Variants in FXR1 observed in about 807,000 individuals in gnomAD.
FXR1 encodes the protein FMR1 autosomal homolog 1.
Under a neutral mutation model 84.0 loss-of-function variants are expected in FXR1, and 15 were observed. The observed-to-expected ratio is 0.18, with a 90% CI of 0.12 to 0.27. The LOEUF is 0.27. Among genes scored for constraint, FXR1 ranks in the 10% least tolerant of loss-of-function variants. FXR1 has a pLI of 1.00. For missense variants in FXR1, 480 were observed against 774.4 expected, an observed-to-expected ratio of 0.62 and a Z score of 4.51; for synonymous variants, 245 against 250.7, an observed-to-expected ratio of 0.98 and a Z score of 0.21.
chr3:180,913,004 G>A (rs1404650248), intron 1 of FXR1, among the ~76,000 whole-genome samples: 1 of 152,162 alleles, frequency 6.6e-6, no homozygotes, highest in Admixed American at 6.5e-5. Context: ...GTTCTTGGCG[G>A]GCCGGTGGGA....
rs10600370 is a variant in FXR1, at chr3:180,964,673, T to TTATA, written c.1198+1608_1198+1611dup. Among the ~76,000 whole-genome samples the TTATA allele has an allele frequency of 5.3e-3, 717 of 136,320 alleles. 11 individuals carry two copies. The highest frequency in any genetic ancestry group is 0.021 in the East Asian group (101 of 4,780). The allele number at this position is 136,320 out of a possible 152,430, so 89.4% of individuals were successfully genotyped here. On this transcript the variant is annotated intron_variant, in intron 13 of 16. Coordinates refer to ENST00000357559, the MANE Select transcript of FXR1 (RefSeq NM_005087.4). ...TATATCAGAGGGACTTGTAGTTGAT[T>TTATA]TATATATATATATATATATATATAT...
chr3:180,970,095 G>C, intron 14 of FXR1, 63 bp from the exon 15 acceptor site: 1 of 854,456 alleles, frequency 1.2e-6, no homozygotes, highest in South Asian at 1.4e-5. Flanking sequence ...GTTCAATATA[G>C]ATCAAACATT....
In FXR1 at chr3:180,979,509, G is replaced by A. The variant is rs1359373539; in HGVS notation, c.*3217G>A. On this transcript the variant is annotated 3_prime_UTR_variant, in exon 17 of 17. Coordinates refer to ENST00000357559, the MANE Select transcript of FXR1 (RefSeq NM_005087.4). ...CGATTTGGATCCCTTACGCTTTTTCGTTAAGAATATCTGTCTGCTATAGTG... is the reference window on the plus strand; with the variant it reads ...CGATTTGGATCCCTTACGCTTTTTCATTAAGAATATCTGTCTGCTATAGTG... 2 of 151,688 alleles carry A rather than the reference G, an allele frequency of 1.3e-5. No individual in the cohort carries two copies. Among genetic ancestry groups the A allele is most frequent in the African/African-American group, 2.4e-5 (1 of 41,312 alleles). The allele number at this position is 151,688 out of a possible 1,614,324, so 9.4% of individuals were successfully genotyped here.
intron 3 of FXR1, among the ~76,000 whole-genome samples, chr3:180,939,386 G>A (rs1720881871): frequency 6.6e-6 from 1 of 152,088 alleles, no homozygotes; most frequent in Non-Finnish European, 1.5e-5. Context: ...AATAGCAGAG[G>A]TAAACTGTCA....
intron 13 of FXR1, among the ~76,000 whole-genome samples, chr3:180,963,770 C>G (rs1037204405): frequency 1.3e-5 from 2 of 152,186 alleles, no homozygotes; most frequent in African/African-American, 4.8e-5. Flanking sequence ...GTCAACAATT[C>G]TCTAATCCTA....
intron 3 of FXR1, 105 bp from the exon 4 acceptor site, chr3:180,947,760 A>G (rs562573420): frequency 5.8e-6 from 3 of 521,238 alleles, no homozygotes; most frequent in Non-Finnish European, 1.0e-5. Context: ...ATAAAATAGC[A>G]TTTTTCATTC....
At chr3:180,914,391 A>G (rs1218032152) in intron 1 of FXR1, among the ~76,000 whole-genome samples, 1 of 152,094 alleles carries the variant, frequency 6.6e-6, no homozygotes, top group Non-Finnish European at 1.5e-5. Context: ...AAAGTTTTAA[A>G]TTCTCACTAT....
At chr3:180,915,357 C>A (rs1370078395) in intron 1 of FXR1, 2 of 598,880 alleles carry the variant, frequency 3.3e-6, no homozygotes, top group Non-Finnish European at 5.7e-6. Context: ...TTCCTCAACC[C>A]CAGCTTCTAG....
At chr3:180,926,506 ATT>A (rs57540765) in intron 1 of FXR1, among the ~76,000 whole-genome samples, 1,679 of 124,338 alleles carry the variant, frequency 0.014, 27 homozygotes, top group Non-Finnish European at 0.018. Context: ...ATATATATAT[ATT>A]TTTTTTTCTG....
At chr3:180,949,366 G>C in intron 7 of FXR1, 23 bp downstream of exon 7, 1 of 1,067,406 alleles carries the variant, frequency 9.4e-7, no homozygotes. Context: ...ACTTACAAAA[G>C]AGTTTTCTGT....
intron 1 of FXR1, among the ~76,000 whole-genome samples, chr3:180,917,437 AT>A (rs1292631007): frequency 1.3e-5 from 2 of 152,210 alleles, no homozygotes; most frequent in African/African-American, 4.8e-5. Flanking sequence ...CACCCTGTTA[AT>A]TTAAAAATAC....
intron 4 of FXR1, 53 bp downstream of exon 4, chr3:180,947,989 T>G: frequency 9.9e-7 from 1 of 1,010,708 alleles, no homozygotes; most frequent in South Asian, 1.4e-5. Context: ...AGTACCTCAG[T>G]GCTTGGTTTT....
chr3:180,945,266 A>T (rs1721577816), intron 3 of FXR1, among the ~76,000 whole-genome samples: 1 of 152,336 alleles, frequency 6.6e-6, no homozygotes, highest in East Asian at 1.9e-4. Flanking sequence ...TGGATTGACT[A>T]ATCTATTGAA....
chr3:180,964,812 C>T (rs901816347), intron 13 of FXR1, among the ~76,000 whole-genome samples: 4 of 151,376 alleles, frequency 2.6e-5, no homozygotes, highest in Admixed American at 1.3e-4. Flanking sequence ...ACTTTAGCAG[C>T]ATTTTCTTTT....
intron 9 of FXR1, among the ~76,000 whole-genome samples, chr3:180,956,194 C>T (rs183925450): frequency 3.1e-4 from 47 of 152,244 alleles, no homozygotes; most frequent in African/African-American, 1.1e-3. Flanking sequence ...CATTCCCACC[C>T]CTCCCAAATC....
intron 7 of FXR1, 33 bp downstream of exon 7, chr3:180,949,376 T>C: frequency 1.0e-6 from 1 of 1,000,290 alleles, no homozygotes; most frequent in Non-Finnish European, 1.6e-6. Context: ...GAGTTTTCTG[T>C]GTCCCATTTA....
chr3:180,929,484 T>C (rs1277901223), intron 1 of FXR1, among the ~76,000 whole-genome samples: 6 of 152,136 alleles, frequency 3.9e-5, no homozygotes, highest in Non-Finnish European at 8.8e-5. Flanking sequence ...TTTGCATATG[T>C]ATGGGAAGAA....
chr3:180,914,807 T>G, intron 1 of FXR1: 1 of 984,516 alleles, frequency 1.0e-6, no homozygotes. Flanking sequence ...TGACAAAGGT[T>G]GGAAAGGACA....
At chr3:180,920,327 A>G (rs1406033933) in intron 1 of FXR1, among the ~76,000 whole-genome samples, 1 of 152,064 alleles carries the variant, frequency 6.6e-6, no homozygotes, top group East Asian at 1.9e-4. Flanking sequence ...TTGTTGAATG[A>G]TGTGTAATCT....
Sources: allele counts gnomAD v4.1 joint callset (sites outside exome capture counted in the v4.1 genomes callset), GRCh38; gene constraint gnomAD v4.1.1; transcripts MANE v1.5; gene names NCBI Gene and HGNC (gene_info 2026-07-23, HGNC 2026-07-21).